The following USP4 variants were observed in gnomAD, a reference collection of about 807,000 sequenced individuals.
USP4 encodes ubiquitin specific peptidase 4.
USP4 carries 72 observed loss-of-function variants against 118.2 expected under a neutral mutation model. The observed-to-expected ratio is 0.61, with a 90% CI of 0.50 to 0.74. The LOEUF is 0.74. Among genes scored for constraint, USP4 ranks in the 30% least tolerant of loss-of-function variants. USP4 has a pLI of 0.00. For missense variants in USP4, 1,037 were observed against 1,185.7 expected (o/e 0.87, Z 1.84); for synonymous variants, 415 against 440.4 (o/e 0.94, Z 0.72).
chr3:49,310,353 G>C (rs985609834), intron 8 of USP4, among the ~76,000 whole-genome samples: 35 of 152,270 alleles, frequency 2.3e-4, no homozygotes, highest in African/African-American at 8.4e-4. Context: ...ATTTTCTAGA[G>C]AGATCATACC....
intron 19 of USP4, among the ~76,000 whole-genome samples, chr3:49,281,822 C>T (rs1275184025): frequency 6.6e-6 from 1 of 151,432 alleles, no homozygotes; most frequent in Non-Finnish European, 1.5e-5. Flanking sequence ...ACCATCCTGG[C>T]CAACATGGTA....
intron 7 of USP4, 33 bp from the exon 8 acceptor site, chr3:49,310,770 C>T (rs2047374594): frequency 6.5e-7 from 1 of 1,545,742 alleles, no homozygotes; most frequent in Non-Finnish European, 8.9e-7. Flanking sequence ...GCAATAAAAG[C>T]AAGTGCATAA....
At position 49,278,851 on chromosome 3, in the gene USP4, T is replaced by A. The variant is rs1363545453; in HGVS notation, c.2696A>T (p.Asp899Val). ...CTCAGAGGCCAGGGACACGTTGCTA[T>A]CATCAAAGTAATACCATTTACCATT... ...KLNGKWYYFD[D>V]SNVSLASEDQ... The change falls in exon 21 of 22, where the codon GAT becomes GTT. Residue 899 changes from aspartate to valine, a missense_variant. Around this residue, in one of 3 missense-constraint regions of USP4, gnomAD observed 522 missense variants for 592.6 expected, o/e 0.88. Transcript: ENST00000265560. 2 of 1,613,274 alleles carry A rather than the reference T, an allele frequency of 1.2e-6. No individual in the cohort carries two copies.
At chr3:49,333,383 T>C (rs2047639498) in intron 2 of USP4, among the ~76,000 whole-genome samples, 1 of 152,110 alleles carries the variant, frequency 6.6e-6, no homozygotes, top group Non-Finnish European at 1.5e-5. Context: ...AAGGATCACT[T>C]AAGTCCAGGA....
At chr3:49,308,661 G>C (rs2047346549) in intron 8 of USP4, among the ~76,000 whole-genome samples, 1 of 151,818 alleles carries the variant, frequency 6.6e-6, no homozygotes. Flanking sequence ...AAAAATTCTG[G>C]ACGCTGAAGC....
chr3:49,328,967 C>G (rs1220412324), intron 2 of USP4, among the ~76,000 whole-genome samples: 1 of 152,052 alleles, frequency 6.6e-6, no homozygotes, highest in Non-Finnish European at 1.5e-5. Context: ...ATCATGAGGT[C>G]AGGAGTTCAA....
intron 3 of USP4, 55 bp downstream of exon 3, chr3:49,327,631 A>C: frequency 6.2e-7 from 1 of 1,604,212 alleles, no homozygotes; most frequent in South Asian, 1.1e-5. Context: ...GTCAGTGTCC[A>C]ACAGAAAGCA....
At chr3:49,321,397 C>T (rs1486939801) in intron 6 of USP4, among the ~76,000 whole-genome samples, 1 of 152,088 alleles carries the variant, frequency 6.6e-6, no homozygotes, top group African/African-American at 2.4e-5. Flanking sequence ...TAATTCCTCA[C>T]CTATGTTGGA....
At position 49,338,775 on chromosome 3, in the gene USP4, G is replaced by A. The variant is rs1441810177; in HGVS notation, c.101+1149C>T. 3.3e-5 allele frequency among the ~76,000 whole-genome samples: 5 copies of A among 151,840 alleles called. No homozygotes were observed. In the East Asian group the frequency reaches 9.7e-4, roughly 29 times the overall value. ...AAGGTGAATACATAAGCTGTTATCT[G>A]TACTCCTCCTAACCCCAATTTTTCT... is the stretch of plus-strand genomic sequence containing the variant. On this transcript the variant is annotated intron_variant, in intron 1 of 21. Transcript: ENST00000265560.
chr3:49,299,538 G>A (rs71324946), intron 11 of USP4, among the ~76,000 whole-genome samples: 27,626 of 151,282 alleles, frequency 0.18, 3,078 homozygotes, highest in Non-Finnish European at 0.26. Flanking sequence ...GACTACAGGC[G>A]CCCGCCACCA....
At chr3:49,306,004 G>A (rs966054899) in intron 8 of USP4, 116 bp from the exon 9 acceptor site, 3 of 1,048,840 alleles carry the variant, frequency 2.9e-6, no homozygotes, top group African/African-American at 1.6e-5. Flanking sequence ...AGGCACTCAG[G>A]AGATTCTCTG....
intron 10 of USP4, 96 bp from the exon 11 acceptor site, chr3:49,300,787 T>C (rs2047255468): frequency 8.9e-7 from 1 of 1,127,706 alleles, no homozygotes. Context: ...ATGAATCAGG[T>C]GGCAATCTGT....
At chr3:49,286,430 G>T in intron 15 of USP4, 105 bp from the exon 16 acceptor site, 1 of 1,161,858 alleles carries the variant, frequency 8.6e-7, no homozygotes, top group Non-Finnish European at 1.2e-6. Flanking sequence ...ATTTTGTTCT[G>T]TGTATATGAA....
intron 2 of USP4, among the ~76,000 whole-genome samples, 160 bp from the exon 3 acceptor site, chr3:49,327,976 T>G (rs1280911073): frequency 1.3e-5 from 2 of 152,180 alleles, no homozygotes; most frequent in Non-Finnish European, 2.9e-5. Context: ...AGAGCAGACT[T>G]TTGTCTTTAT....
chr3:49,301,848 TGATCA>T (rs1203449077), intron 10 of USP4, among the ~76,000 whole-genome samples: 7 of 152,164 alleles, frequency 4.6e-5, no homozygotes, highest in Non-Finnish European at 1.0e-4. Context: ...CCTCTTGCAC[TGATCA>T]GATAATCAAG....
At chr3:49,298,727 C>G in intron 11 of USP4, 92 bp from the exon 12 acceptor site, 3 of 1,127,044 alleles carry the variant, frequency 2.7e-6, no homozygotes, top group South Asian at 2.5e-5. Context: ...GGCAGAGGAG[C>G]CCTTCTAGAA....
intron 6 of USP4, among the ~76,000 whole-genome samples, chr3:49,320,801 T>G (rs925071537): frequency 6.6e-6 from 1 of 152,184 alleles, no homozygotes; most frequent in Admixed American, 6.6e-5. Flanking sequence ...ACTTCTTATT[T>G]TTTCCCCCCT....
chr3:49,295,996 GAATT>G lies in USP4; in HGVS notation c.1692-1402_1692-1399del, dbSNP rs528994018. On this transcript the variant is annotated intron_variant, in intron 13 of 21. Transcript: ENST00000265560. The stretch of plus-strand genomic sequence containing the variant: ...TTACCCACTTTAAAAGGTGTGGTAA[GAATT>G]AAATAATTTAGTAGCACAGTGTACA... 8.5e-5 allele frequency among the ~76,000 whole-genome samples: 13 copies of G among 152,246 alleles called. No individual in the cohort carries two copies. The East Asian group carries it at 2.1e-3, about 25-fold the overall frequency.
At chr3:49,326,814 G>A (rs2047560702) in intron 3 of USP4, among the ~76,000 whole-genome samples, 2 of 150,752 alleles carry the variant, frequency 1.3e-5, no homozygotes, top group Non-Finnish European at 2.9e-5. Flanking sequence ...CAATTCTCCT[G>A]CCTCAGCCTC....
Sources: allele counts gnomAD v4.1 joint callset (sites outside exome capture counted in the v4.1 genomes callset), GRCh38; gene constraint gnomAD v4.1.1; regional missense constraint gnomAD v4.1.1; transcripts MANE v1.5; gene names NCBI Gene and HGNC (gene_info 2026-07-23, HGNC 2026-07-21).